The following ACBD6 variants were observed in gnomAD, a reference collection of about 807,000 sequenced individuals.
The protein encoded by ACBD6 is acyl-CoA binding domain containing 6.
A neutral mutation model predicts 37.2 loss-of-function variants in ACBD6; 28 were observed. That is an observed-to-expected ratio of 0.75 (90% CI 0.56 to 1.03). The LOEUF is 1.03. ACBD6 is among the 50% of genes least tolerant of loss of function. The probability of loss-of-function intolerance (pLI) is 0.00; values close to 1 mark genes in which losing one functional copy is unlikely to be tolerated. For synonymous variants in ACBD6, 113 were observed against 126.8 expected (o/e 0.89, Z 0.73); for missense variants, 340 against 337.4 (o/e 1.01, Z -0.06).
intron 6 of ACBD6, among the ~76,000 whole-genome samples, chr1:180,327,742 A>T (rs1344973396): frequency 4.6e-5 from 7 of 152,232 alleles, no homozygotes; most frequent in Admixed American, 4.6e-4. Flanking sequence ...GACAGACATG[A>T]TAATACAATG....
chr1:180,309,004 C>T (rs901353813), intron 7 of ACBD6, among the ~76,000 whole-genome samples: 1 of 152,126 alleles, frequency 6.6e-6, no homozygotes, highest in Non-Finnish European at 1.5e-5. Context: ...ATAATATATG[C>T]ATATAGGTCC....
At position 180,494,929 on chromosome 1, in the gene ACBD6, T is replaced by C. The variant is rs147877795; in HGVS notation, c.287+532A>G. Among the ~76,000 whole-genome samples the C allele has an allele frequency of 1.8e-3, 274 of 152,308 alleles. 1 individual carries two copies. Among genetic ancestry groups the C allele is most frequent in the African/African-American group, 6.3e-3 (263 of 41,554 alleles). ...ATTCAGAGAAAAAGAGAAGTTAGTA[T>C]CTGGTTTTGGCTTTTCACTGAATTT... On this transcript the variant is annotated intron_variant, in intron 2 of 7. Transcript: ENST00000367595.
Position 180,338,872 on chromosome 1 carries a change from G to T in ACBD6, c.664-24150C>A, listed in dbSNP as rs1008646415. On this transcript the variant is annotated intron_variant, in intron 6 of 7. Transcript: ENST00000367595. ...AACCCCATCAAAAAGTGGGCAAAGG[G>T]TATCAATAGACACTTCTCAAAAGAA... Among the ~76,000 whole-genome samples, 9 of 152,002 alleles carry T rather than the reference G, an allele frequency of 5.9e-5. No homozygotes were observed. In the East Asian group the frequency reaches 1.7e-3, roughly 29 times the overall value.
chr1:180,500,829 TAAAAAAAAAA>T (rs397982142), intron 1 of ACBD6, among the ~76,000 whole-genome samples: 378 of 111,760 alleles, frequency 3.4e-3, no homozygotes, highest in African/African-American at 0.012. Context: ...AGACCCTCTG[TAAAAAAAAAA>T]AAAAAAAAAA....
At chr1:180,493,114 T>C (rs765942156) in intron 2 of ACBD6, among the ~76,000 whole-genome samples, 27 of 150,630 alleles carry the variant, frequency 1.8e-4, no homozygotes, top group Non-Finnish European at 3.0e-4. Flanking sequence ...CCAGGCGTGG[T>C]GGTGTGCGCC....
At chr1:180,414,799 T>C (rs957559743) in intron 4 of ACBD6, among the ~76,000 whole-genome samples, 1 of 152,218 alleles carries the variant, frequency 6.6e-6, no homozygotes, top group Non-Finnish European at 1.5e-5. Flanking sequence ...ATATGGTCAC[T>C]TGAAGAGGCC....
intron 5 of ACBD6, among the ~76,000 whole-genome samples, chr1:180,398,716 AAAGAATAAAC>A (rs1281685468): frequency 1.3e-5 from 2 of 152,240 alleles, no homozygotes; most frequent in Non-Finnish European, 2.9e-5. Flanking sequence ...ACTTGGTTCA[AAAGAATAAAC>A]AAAACCCCAA....
Position 180,304,167 on chromosome 1 carries a change from C to A in ACBD6, c.694+10525G>T, listed in dbSNP as rs567023096. 2.3e-4 allele frequency among the ~76,000 whole-genome samples: 34 copies of A among 150,742 alleles called. No homozygotes were observed. The East Asian group carries it at 6.4e-3, about 28-fold the overall frequency. ...CCAATATCATACTGAATGGGCAAAA[C>A]CTGGAACCATTCCCTTTGAAAATGG... On this transcript the variant is annotated intron_variant, in intron 7 of 7. Coordinates refer to ENST00000367595, the MANE Select transcript of ACBD6 (RefSeq NM_032360.4).
At chr1:180,344,235 AG>A (rs1206384476) in intron 6 of ACBD6, among the ~76,000 whole-genome samples, 1 of 152,246 alleles carries the variant, frequency 6.6e-6, no homozygotes, top group Non-Finnish European at 1.5e-5. Context: ...CAACAGTAGC[AG>A]GCAGCAGAAA....
At chr1:180,284,016 A>G (rs1418536503), downstream of ACBD6, among the ~76,000 whole-genome samples, 1 of 152,220 alleles carries the variant, frequency 6.6e-6, no homozygotes, top group South Asian at 2.1e-4. Flanking sequence ...ATAACTATAC[A>G]TGATTCATGC....
In ACBD6 at chr1:180,460,537, C is replaced by G. The variant is rs375002672; in HGVS notation, c.385-30275G>C. Among the ~76,000 whole-genome samples, 27 of 151,614 alleles carry G rather than the reference C, an allele frequency of 1.8e-4. No individual in the cohort carries two copies. The East Asian group carries it at 4.3e-3, about 24-fold the overall frequency. On this transcript the variant is annotated intron_variant, in intron 3 of 7. Transcript: ENST00000367595. ...AGGTGCATTCAAGTCAGCAACAAGT[C>G]TGTACCCTCCCTGGGATGGAGCTCC...
At chr1:180,425,132 TTA>T (rs1042026712) in intron 4 of ACBD6, among the ~76,000 whole-genome samples, 1 of 152,182 alleles carries the variant, frequency 6.6e-6, no homozygotes, top group African/African-American at 2.4e-5. Flanking sequence ...TGGTGTGTTA[TTA>T]TCTAGGAGTG....
At chr1:180,285,849 T>G (rs1649481397), downstream of ACBD6, among the ~76,000 whole-genome samples, 1 of 152,102 alleles carries the variant, frequency 6.6e-6, no homozygotes, top group South Asian at 2.1e-4. Context: ...TCCAGATATT[T>G]TACGTTGGTT....
At chr1:180,386,131 C>A (rs1272391367) in intron 6 of ACBD6, among the ~76,000 whole-genome samples, 1 of 152,180 alleles carries the variant, frequency 6.6e-6, no homozygotes, top group African/African-American at 2.4e-5. Flanking sequence ...GATTGCACCA[C>A]TGCACTCCAG....
chr1:180,493,421 T>C lies in ACBD6; in HGVS notation c.288-1056A>G, dbSNP rs531316071. ...CAACAGGCTGCCAGGACAGGCCTTC[T>C]TCTTGGTTTTTCCCTGCCAATTCTT... On this transcript the variant is annotated intron_variant, in intron 2 of 7. Transcript: ENST00000367595. 4.6e-5 allele frequency among the ~76,000 whole-genome samples: 7 copies of C among 152,222 alleles called. No homozygotes were observed. The South Asian group carries it at 1.5e-3, about 32-fold the overall frequency.
At position 180,495,529 on chromosome 1, in the gene ACBD6, A is replaced by T; in HGVS notation, c.223-4T>A. On this transcript the variant is annotated splice_region_variant and splice_polypyrimidine_tract_variant and intron_variant, in intron 1 of 7. Coordinates refer to ENST00000367595, the MANE Select transcript of ACBD6 (RefSeq NM_032360.4). ...TATTACAATTTCCAACTTTGACCTA[A>T]ATGAGGGAAGGAAAATCAAGAACTT... The T allele has an allele frequency of 6.2e-7, 1 of 1,606,360 alleles. No homozygotes were observed. Among genetic ancestry groups the T allele is most frequent in the Non-Finnish European group, 8.5e-7 (1 of 1,173,972 alleles).
chr1:180,405,705 T>C (rs975357013), intron 5 of ACBD6, among the ~76,000 whole-genome samples: 3 of 152,134 alleles, frequency 2.0e-5, no homozygotes, highest in South Asian at 2.1e-4. Flanking sequence ...AGAAATAACG[T>C]GTGACAAGAA....
intron 6 of ACBD6, among the ~76,000 whole-genome samples, chr1:180,384,809 C>G (rs1025870306): frequency 9.2e-5 from 14 of 152,268 alleles, no homozygotes; most frequent in Admixed American, 9.2e-4. Flanking sequence ...CAATGGAATA[C>G]TAGTCAGCTA....
At chr1:180,486,066 T>TA (rs1651252929) in intron 3 of ACBD6, among the ~76,000 whole-genome samples, 1 of 152,172 alleles carries the variant, frequency 6.6e-6, no homozygotes, top group Non-Finnish European at 1.5e-5. Context: ...CGAGTGTCCC[T>TA]ACACATTCTT....
Sources: gnomAD v4.1 joint callset for allele counts (sites outside exome capture counted in the v4.1 genomes callset) on GRCh38, gnomAD v4.1.1 for gene constraint, MANE v1.5 for transcripts, NCBI Gene and HGNC (gene_info 2026-07-23, HGNC 2026-07-21) for gene names.